SLC41A2: variants seen among roughly 807,000 people sequenced by gnomAD.
SLC41A2 encodes solute carrier family 41 member 2.
Under a neutral mutation model 58.3 loss-of-function variants are expected in SLC41A2, and 32 were observed. The ratio of observed to expected loss-of-function variants is 0.55; its 90% CI spans 0.41 to 0.74. The LOEUF (loss-of-function observed/expected upper bound fraction) is 0.74. Ranked by LOEUF, SLC41A2 falls within the 30% of genes least tolerant of loss-of-function variation. The pLI, the probability that SLC41A2 is intolerant of heterozygous loss-of-function variation, is 0.00. For synonymous variants in SLC41A2, 190 were observed against 235.0 expected (o/e 0.81, Z 1.75); for missense variants, 514 against 680.6 (o/e 0.76, Z 2.72).
intron 6 of SLC41A2, among the ~76,000 whole-genome samples, chr12:104,870,032 T>C (rs1400883365): frequency 2.6e-5 from 4 of 152,164 alleles, no homozygotes; most frequent in Admixed American, 1.3e-4. Context: ...TAAAATCTAG[T>C]AATAATTCAC....
intron 1 of SLC41A2, among the ~76,000 whole-genome samples, chr12:104,929,877 C>T (rs908513934): frequency 6.6e-6 from 1 of 152,198 alleles, no homozygotes; most frequent in African/African-American, 2.4e-5. Flanking sequence ...GTATTTGTTT[C>T]CAATGTCTTA....
intron 10 of SLC41A2, among the ~76,000 whole-genome samples, chr12:104,810,055 A>ATTGT (rs1177191173): frequency 6.6e-6 from 1 of 152,184 alleles, no homozygotes. Context: ...GAGAATAAGA[A>ATTGT]TTGTTTGTCC....
intron 1 of SLC41A2, among the ~76,000 whole-genome samples, chr12:104,938,834 T>G (rs1276487731): frequency 6.6e-6 from 1 of 152,208 alleles, no homozygotes; most frequent in Admixed American, 6.5e-5. Flanking sequence ...CCTATCCATT[T>G]TAGTTTAGGA....
chr12:104,887,282 T>C (rs12317565), intron 5 of SLC41A2, among the ~76,000 whole-genome samples: 5,027 of 152,052 alleles, frequency 0.033, 259 homozygotes, highest in African/African-American at 0.11. Flanking sequence ...ACAGCACTTT[T>C]AGAGTTAAAA....
intron 2 of SLC41A2, among the ~76,000 whole-genome samples, chr12:104,913,802 C>T (rs953708791): frequency 6.6e-6 from 1 of 152,110 alleles, no homozygotes; most frequent in Non-Finnish European, 1.5e-5. Context: ...GGTTGGGCAG[C>T]GGCTCACGCC....
chr12:104,919,146 G>A (rs899741172), intron 2 of SLC41A2, among the ~76,000 whole-genome samples: 1 of 152,170 alleles, frequency 6.6e-6, no homozygotes, highest in African/African-American at 2.4e-5. Context: ...ATAATTCTCT[G>A]GAGATTCATC....
At chr12:104,921,739 G>T (rs2046606959) in intron 2 of SLC41A2, among the ~76,000 whole-genome samples, 1 of 152,192 alleles carries the variant, frequency 6.6e-6, no homozygotes. Flanking sequence ...TGTAATTAGG[G>T]TGTGCAATCC....
intron 6 of SLC41A2, among the ~76,000 whole-genome samples, chr12:104,871,410 G>C (rs2043767513): frequency 6.6e-6 from 1 of 152,124 alleles, no homozygotes; most frequent in Admixed American, 6.5e-5. Context: ...AAAGATTACT[G>C]TATGTTTAAA....
At position 104,822,935 on chromosome 12, in the gene SLC41A2, T is replaced by C. The variant is rs931207074; in HGVS notation, c.1537-17598A>G. ...GGAATTAAAGAAAGGGGCAAAGAAA[T>C]AACTGAGAAATTTGAAAACTATAAA... is the stretch of plus-strand genomic sequence containing the variant. On this transcript the variant is annotated intron_variant, in intron 10 of 10. Transcript: ENST00000258538. Among the ~76,000 whole-genome samples the C allele has an allele frequency of 5.3e-5, 8 of 152,080 alleles. No homozygotes were observed. In the South Asian group the frequency reaches 1.0e-3, roughly 20 times the overall value.
At chr12:104,823,953 A>G (rs574028210) in intron 10 of SLC41A2, among the ~76,000 whole-genome samples, 1 of 152,308 alleles carries the variant, frequency 6.6e-6, no homozygotes, top group East Asian at 1.9e-4. Context: ...GAGATGACAG[A>G]TATTTTAATC....
At chr12:104,956,147 C>T (rs2048159636) in intron 1 of SLC41A2, among the ~76,000 whole-genome samples, 1 of 152,134 alleles carries the variant, frequency 6.6e-6, no homozygotes, top group Admixed American at 6.5e-5. Context: ...AGGAATATGC[C>T]TTCTGTAGCT....
At chr12:104,819,029 G>A (rs2041526942) in intron 10 of SLC41A2, among the ~76,000 whole-genome samples, 1 of 152,062 alleles carries the variant, frequency 6.6e-6, no homozygotes. Flanking sequence ...CAACAAATTT[G>A]ATCTAATGGA....
At chr12:104,864,605 G>A (rs2043345998) in intron 7 of SLC41A2, among the ~76,000 whole-genome samples, 1 of 151,940 alleles carries the variant, frequency 6.6e-6, no homozygotes, top group South Asian at 2.1e-4. Flanking sequence ...GAATTTTCTT[G>A]TATTATTTAT....
intron 2 of SLC41A2, among the ~76,000 whole-genome samples, chr12:104,923,298 C>T (rs1220056005): frequency 4.1e-5 from 6 of 146,080 alleles, no homozygotes; most frequent in Non-Finnish European, 7.5e-5. Context: ...GGAGGCGGAG[C>T]TTGAAGTGAG....
chr12:104,920,927 A>T (rs2046566625), intron 2 of SLC41A2, among the ~76,000 whole-genome samples: 1 of 150,844 alleles, frequency 6.6e-6, no homozygotes, highest in Non-Finnish European at 1.5e-5. Context: ...CTGTCTCAAA[A>T]AATAAAATAA....
At chr12:104,809,875 C>G (rs912665319) in intron 10 of SLC41A2, among the ~76,000 whole-genome samples, 4 of 152,116 alleles carry the variant, frequency 2.6e-5, no homozygotes, top group East Asian at 1.9e-4. Flanking sequence ...TGGGACCCCC[C>G]CAGTGAGCCA....
intron 6 of SLC41A2, among the ~76,000 whole-genome samples, chr12:104,869,938 G>T (rs1187764254): frequency 6.6e-6 from 1 of 152,114 alleles, no homozygotes; most frequent in East Asian, 1.9e-4. Context: ...CCTTCTAAAT[G>T]AAACACATTT....
At chr12:104,882,131 T>C (rs1365811619) in intron 6 of SLC41A2, among the ~76,000 whole-genome samples, 2 of 152,244 alleles carry the variant, frequency 1.3e-5, no homozygotes, top group South Asian at 2.1e-4. Context: ...GAGACTAGGA[T>C]TGCAACCCCT....
intron 10 of SLC41A2, among the ~76,000 whole-genome samples, chr12:104,837,914 T>C (rs938234195): frequency 1.3e-5 from 2 of 152,158 alleles, no homozygotes; most frequent in African/African-American, 4.8e-5. Context: ...TGACTATGGA[T>C]ACAAAATAAG....
Sources: allele counts gnomAD v4.1 joint callset (sites outside exome capture counted in the v4.1 genomes callset), GRCh38; gene constraint gnomAD v4.1.1; transcripts MANE v1.5; gene names NCBI Gene and HGNC (gene_info 2026-07-23, HGNC 2026-07-21).